The following ASMTL variants were observed in gnomAD, a reference collection of about 807,000 sequenced individuals.
ASMTL encodes the protein acetylserotonin O-methyltransferase like, also known as probable bifunctional dTTP/UTP pyrophosphatase/methyltransferase protein.
In ASMTL, 57 loss-of-function variants were observed where a neutral mutation model predicts 60.3. The observed-to-expected ratio is 0.95, with a 90% CI of 0.76 to 1.18. ASMTL has a LOEUF of 1.18. Among genes scored for constraint, ASMTL ranks in the 50% most tolerant of loss-of-function variants. The probability of loss-of-function intolerance (pLI) is 0.00; values close to 1 mark genes in which losing one functional copy is unlikely to be tolerated. For missense variants in ASMTL, 981 were observed against 852.6 expected, an observed-to-expected ratio of 1.15 and a Z score of -1.88; for synonymous variants, 419 against 373.0, an observed-to-expected ratio of 1.12 and a Z score of -1.42.
At chrX:1,414,619 G>A (rs1270072759) in intron 11 of ASMTL, among the ~76,000 whole-genome samples, 1 of 151,966 alleles carries the variant, frequency 6.6e-6, no homozygotes, top group East Asian at 1.9e-4. Flanking sequence ...GAGGTGGGAG[G>A]ATCCCTTGAA....
At chrX:1,411,965 T>C (rs1448422677) in intron 12 of ASMTL, among the ~76,000 whole-genome samples, 13 of 151,230 alleles carry the variant, frequency 8.6e-5, no homozygotes, top group African/African-American at 2.2e-4. Flanking sequence ...GCACCCGCTA[T>C]CAAGCCCGGC....
chrX:1,411,083 C>T (rs1173562125), intron 12 of ASMTL, among the ~76,000 whole-genome samples: 7 of 152,046 alleles, frequency 4.6e-5, no homozygotes, highest in Non-Finnish European at 8.8e-5. Flanking sequence ...ACTCGGGAGG[C>T]TGAGGCAGGA....
Position 1,452,826 on chromosome X carries a change from CG to C in ASMTL, c.14del (p.Pro5ArgfsTer2). ...GCTTGTGCAGCAGCTTCCCAATCAC[CG>C]GGCACAGCACCATGGCGTCCACGCC... The part of the protein sequence containing the change: MVLC[P>X]VIGKLLHKRV... On this transcript the variant is annotated frameshift_variant, in exon 1 of 13. Coordinates refer to ENST00000381317, the MANE Select transcript of ASMTL (RefSeq NM_004192.4). LOFTEE classifies it high-confidence loss of function. The C allele has an allele frequency of 1.3e-6, 2 of 1,593,008 alleles. No homozygotes were observed. The highest frequency in any genetic ancestry group is 8.5e-7 in the Non-Finnish European group (1 of 1,176,530).
chrX:1,426,075 T>C (rs1239255577), intron 7 of ASMTL, among the ~76,000 whole-genome samples: 2 of 151,978 alleles, frequency 1.3e-5, no homozygotes, highest in African/African-American at 2.4e-5. Context: ...CCTAATCCAA[T>C]AGGACTGGGG....
In ASMTL at chrX:1,434,991, G is replaced by T. The variant is rs200436930; in HGVS notation, c.400+31C>A. On this transcript the variant is annotated intron_variant, in intron 5 of 12. Coordinates refer to ENST00000381317, the MANE Select transcript of ASMTL (RefSeq NM_004192.4). ...GTCCCGGGTCCTTGTCTCGGCCTCTGGGGCTACCCCGAAACCTGGGCCGCG... is the reference window on the plus strand; with the variant it reads ...GTCCCGGGTCCTTGTCTCGGCCTCTTGGGCTACCCCGAAACCTGGGCCGCG... 1,774 of 1,612,898 alleles carry T rather than the reference G, an allele frequency of 1.1e-3. 15 individuals are homozygous for T. The African/African-American group carries it at 0.019, about 17-fold the overall frequency.
intron 11 of ASMTL, among the ~76,000 whole-genome samples, chrX:1,415,072 G>A (rs1381502916): frequency 6.7e-6 from 1 of 149,154 alleles, no homozygotes; most frequent in East Asian, 2.0e-4. Flanking sequence ...TCCTGAATAG[G>A]TGGGATTATA....
intron 10 of ASMTL, 42 bp downstream of exon 10, chrX:1,418,937 TTAA>T (rs1307219214): frequency 6.2e-7 from 1 of 1,604,838 alleles, no homozygotes; most frequent in Non-Finnish European, 8.5e-7. Flanking sequence ...TACCTGTGGC[TTAA>T]TAAACGAAAG....
intron 1 of ASMTL, among the ~76,000 whole-genome samples, chrX:1,446,260 T>C (rs191322329): frequency 0.015 from 2,223 of 152,160 alleles, 30 homozygotes; most frequent in Non-Finnish European, 0.021. Flanking sequence ...TGACCTTACC[T>C]ATCATTGGAG....
upstream of ASMTL, chrX:1,453,736 C>T (rs1232362456): frequency 6.8e-6 from 1 of 148,078 alleles, no homozygotes; most frequent in Non-Finnish European, 1.5e-5. Flanking sequence ...GGGATGTCCT[C>T]GTGCCTGGTG....
chrX:1,435,311 G>A (rs1283095758), intron 4 of ASMTL: 2 of 629,518 alleles, frequency 3.2e-6, no homozygotes, highest in African/African-American at 1.8e-5. Context: ...GAGGCGCCAG[G>A]CCAGGCAGCT....
chrX:1,440,675 T>C (rs1312480932), intron 2 of ASMTL, among the ~76,000 whole-genome samples: 5 of 152,168 alleles, frequency 3.3e-5, no homozygotes, highest in Non-Finnish European at 7.3e-5. Context: ...GGCTCACGCC[T>C]GTAATCCCAA....
intron 2 of ASMTL, among the ~76,000 whole-genome samples, chrX:1,440,161 AC>A (rs1255378433): frequency 2.0e-5 from 3 of 148,332 alleles, no homozygotes; most frequent in African/African-American, 7.5e-5. Context: ...ACCTCGGCTC[AC>A]TGCAAGCTCC....
At chrX:1,410,398 T>C (rs112501934) in intron 12 of ASMTL, among the ~76,000 whole-genome samples, 21,134 of 151,206 alleles carry the variant, frequency 0.14, 1,734 homozygotes, top group Admixed American at 0.18. Context: ...AGAGGGGGAC[T>C]CCTATCTCCA....
At chrX:1,417,442 G>A (rs1384029425) in intron 11 of ASMTL, among the ~76,000 whole-genome samples, 3 of 140,600 alleles carry the variant, frequency 2.1e-5, no homozygotes, top group Non-Finnish European at 3.1e-5. Flanking sequence ...ACACACACAA[G>A]GACATACTAC....
chrX:1,450,563 C>A (rs1486253995), intron 1 of ASMTL, among the ~76,000 whole-genome samples: 1 of 143,052 alleles, frequency 7.0e-6, no homozygotes, highest in Non-Finnish European at 1.5e-5. Context: ...GGGTCACTCT[C>A]CCCTCCCCCA....
At chrX:1,439,836 C>CA (rs757028869) in intron 2 of ASMTL, among the ~76,000 whole-genome samples, 132 of 82,082 alleles carry the variant, frequency 1.6e-3, no homozygotes, top group East Asian at 1.0e-2. Context: ...ACTCAGTCTC[C>CA]AAAAAAAAAA....
rs1454535355 is a variant in ASMTL, at chrX:1,407,069, C to A, written c.1646-3580G>T. 5.3e-4 allele frequency among the ~76,000 whole-genome samples: 70 copies of A among 132,770 alleles called. 1 individual carries two copies. Among genetic ancestry groups the A allele is most frequent in the African/African-American group, 1.9e-3 (64 of 33,700 alleles). 87.1% of individuals were successfully genotyped at this position (132,770 alleles called of 152,430 possible). ...AGATGGATGGATGGATGGATGCATG[C>A]ATGGATGAGATGGATGGGTGAACTG... On this transcript the variant is annotated intron_variant, in intron 12 of 12. Transcript: ENST00000381317.
intron 3 of ASMTL, among the ~76,000 whole-genome samples, chrX:1,438,099 G>A (rs534024070): frequency 1.3e-5 from 2 of 151,798 alleles, no homozygotes; most frequent in African/African-American, 4.8e-5. Context: ...GACCAGCCTG[G>A]CCAACATGGT....
intron 2 of ASMTL, among the ~76,000 whole-genome samples, chrX:1,440,100 T>A (rs1315494898): frequency 1.3e-5 from 2 of 151,116 alleles, no homozygotes; most frequent in East Asian, 3.9e-4. Flanking sequence ...TTTTTTTTTT[T>A]TTTTGAGATG....
Sources: gnomAD v4.1 joint callset for allele counts (sites outside exome capture counted in the v4.1 genomes callset) on GRCh38, gnomAD v4.1.1 for gene constraint, MANE v1.5 for transcripts, NCBI Gene and HGNC (gene_info 2026-07-23, HGNC 2026-07-21) for gene names.